ZBTB7C: variants seen among roughly 807,000 people sequenced by gnomAD.
The protein encoded by ZBTB7C is zinc finger and BTB domain-containing protein 7C.
ZBTB7C carries 8 observed loss-of-function variants against 25.7 expected under a neutral mutation model. That is an observed-to-expected ratio of 0.31 (90% CI 0.18 to 0.56). The LOEUF (loss-of-function observed/expected upper bound fraction) is 0.56. ZBTB7C is among the 20% of genes least tolerant of loss of function. The pLI, the probability that ZBTB7C is intolerant of heterozygous loss-of-function variation, is 0.91. For missense variants in ZBTB7C, 824 were observed against 855.2 expected (o/e 0.96, Z 0.46); for synonymous variants, 394 against 369.0 (o/e 1.07, Z -0.78).
At chr18:48,401,853 ACCT>A (rs1045327944) in intron 1 of ZBTB7C, among the ~76,000 whole-genome samples, 43 of 152,016 alleles carry the variant, frequency 2.8e-4, no homozygotes, top group African/African-American at 9.2e-4. Context: ...CCTAGGCCTC[ACCT>A]CCTCCAAAAA....
rs111244589 is a variant in ZBTB7C at position 48,115,662 on chromosome 18, C to T, written c.-17+70272G>A. Among the ~76,000 whole-genome samples, 1,329 of 152,262 alleles carry T rather than the reference C, an allele frequency of 8.7e-3. 16 individuals are homozygous for T. The highest frequency in any genetic ancestry group is 0.031 in the African/African-American group (1,275 of 41,526). On this transcript the variant is annotated intron_variant, in intron 3 of 4. Coordinates refer to ENST00000590800, the MANE Select transcript of ZBTB7C (RefSeq NM_001318841.2). ...CTTTTGGCTATCGGGAATAATGCTG[C>T]GATGAACATTCGTATACTAGTATCT...
rs566038879 is a variant in ZBTB7C at position 48,301,518 on chromosome 18, G to C, written c.-79+36656C>G. On this transcript the variant is annotated intron_variant, in intron 2 of 4. Coordinates refer to ENST00000590800, the MANE Select transcript of ZBTB7C (RefSeq NM_001318841.2). ...GCCATGGTAAGTACCTCAGCAGGGG[G>C]CTGAGGGAGGAGTGGGGGAGTGGGT... 1.6e-4 allele frequency among the ~76,000 whole-genome samples: 25 copies of C among 152,256 alleles called. No homozygotes were observed. In the East Asian group the frequency reaches 4.8e-3, roughly 29 times the overall value.
chr18:48,402,261 A>C (rs961398280), intron 1 of ZBTB7C, among the ~76,000 whole-genome samples: 9 of 144,458 alleles, frequency 6.2e-5, no homozygotes, highest in African/African-American at 2.1e-4. Flanking sequence ...TCTTATTTTT[A>C]GGTAAAAAAA....
intron 2 of ZBTB7C, among the ~76,000 whole-genome samples, chr18:48,287,453 G>A (rs2045090327): frequency 6.6e-6 from 1 of 152,118 alleles, no homozygotes; most frequent in African/African-American, 2.4e-5. Context: ...GTGAAAACAA[G>A]AGGCCCAAAT....
At chr18:48,377,161 C>T (rs1047937694) in intron 1 of ZBTB7C, among the ~76,000 whole-genome samples, 1 of 152,186 alleles carries the variant, frequency 6.6e-6, no homozygotes. Flanking sequence ...CTCCACCCCC[C>T]AACAGAGCAT....
At chr18:48,216,454 G>A (rs1362431410) in intron 2 of ZBTB7C, among the ~76,000 whole-genome samples, 1 of 152,104 alleles carries the variant, frequency 6.6e-6, no homozygotes, top group East Asian at 1.9e-4. Flanking sequence ...AATGGGCAGC[G>A]AGGGCAACCC....
chr18:48,225,836 AGGTTCAAGT>A (rs1249433571), intron 2 of ZBTB7C, among the ~76,000 whole-genome samples: 1 of 152,030 alleles, frequency 6.6e-6, no homozygotes, highest in African/African-American at 2.4e-5. Flanking sequence ...TCCACCTCCC[AGGTTCAAGT>A]GATTCTCCTG....
intron 3 of ZBTB7C, among the ~76,000 whole-genome samples, chr18:48,143,674 A>G (rs1002837389): frequency 3.3e-5 from 5 of 152,088 alleles, no homozygotes; most frequent in African/African-American, 1.2e-4. Context: ...TGGCCTGCCT[A>G]GTCCAGTTTT....
chr18:48,090,985 T>C (rs2038388971), intron 3 of ZBTB7C, among the ~76,000 whole-genome samples: 1 of 152,106 alleles, frequency 6.6e-6, no homozygotes, highest in African/African-American at 2.4e-5. Context: ...AAAAATTGTC[T>C]GGTAGCCATG....
intron 2 of ZBTB7C, among the ~76,000 whole-genome samples, chr18:48,188,031 C>T (rs1358705543): frequency 6.6e-6 from 1 of 151,988 alleles, no homozygotes; most frequent in East Asian, 1.9e-4. Flanking sequence ...AATAAATATC[C>T]CCCTGCAACA....
chr18:48,160,819 G>C (rs943356618), intron 3 of ZBTB7C, among the ~76,000 whole-genome samples: 1 of 152,102 alleles, frequency 6.6e-6, no homozygotes, highest in African/African-American at 2.4e-5. Context: ...AGGGGGGCCA[G>C]GTGGCCTTCT....
chr18:48,354,765 T>C (rs1334873363), intron 1 of ZBTB7C, among the ~76,000 whole-genome samples: 2 of 152,130 alleles, frequency 1.3e-5, no homozygotes, highest in Non-Finnish European at 2.9e-5. Flanking sequence ...TCAGGGCTGG[T>C]CCAAGCACAC....
chr18:48,172,660 C>G (rs1013373981), intron 3 of ZBTB7C, among the ~76,000 whole-genome samples: 1 of 152,246 alleles, frequency 6.6e-6, no homozygotes, highest in Non-Finnish European at 1.5e-5. Context: ...GCTGGCAAGT[C>G]GAGGGCAATG....
intron 2 of ZBTB7C, among the ~76,000 whole-genome samples, chr18:48,313,727 C>T (rs945193762): frequency 1.3e-5 from 2 of 152,184 alleles, no homozygotes; most frequent in Admixed American, 1.3e-4. Flanking sequence ...CAGATGTCAT[C>T]CCGCTTGGAC....
chr18:48,112,529 G>A (rs1188112112), intron 3 of ZBTB7C, among the ~76,000 whole-genome samples: 3 of 152,114 alleles, frequency 2.0e-5, no homozygotes, highest in African/African-American at 7.2e-5. Context: ...TATATTTTTA[G>A]TAGAGATGGG....
At chr18:48,268,958 C>CTTTT (rs140699441) in intron 2 of ZBTB7C, among the ~76,000 whole-genome samples, 17 of 118,992 alleles carry the variant, frequency 1.4e-4, no homozygotes, top group East Asian at 4.9e-4. Context: ...TGCTCTGTTT[C>CTTTT]TTTTTTTTTT....
chr18:48,043,910 G>A (rs1030142381), intron 3 of ZBTB7C, among the ~76,000 whole-genome samples: 5 of 152,190 alleles, frequency 3.3e-5, no homozygotes, highest in African/African-American at 1.2e-4. Flanking sequence ...GAGCTGTAAG[G>A]GAGGAGAGGA....
chr18:48,306,808 CA>C (rs2045685777), intron 2 of ZBTB7C, among the ~76,000 whole-genome samples: 1 of 152,198 alleles, frequency 6.6e-6, no homozygotes, highest in Admixed American at 6.5e-5. Flanking sequence ...AACAAAAAAG[CA>C]GGTTCTTTAA....
intron 2 of ZBTB7C, among the ~76,000 whole-genome samples, chr18:48,250,172 C>T (rs1002307653): frequency 2.0e-5 from 3 of 152,152 alleles, no homozygotes; most frequent in African/African-American, 7.2e-5. Context: ...ATCCAGAACC[C>T]CCAACATCTT....
Sources: gnomAD v4.1 joint callset for allele counts (sites outside exome capture counted in the v4.1 genomes callset) on GRCh38, gnomAD v4.1.1 for gene constraint, MANE v1.5 for transcripts, NCBI Gene and HGNC (gene_info 2026-07-23, HGNC 2026-07-21) for gene names.